Variants in IL1RAPL1 observed in about 807,000 individuals in gnomAD.
The protein encoded by IL1RAPL1 is interleukin 1 receptor accessory protein like 1.
In IL1RAPL1, 3 loss-of-function variants were observed where a neutral mutation model predicts 48.4. That is an observed-to-expected ratio of 0.06 (90% CI 0.03 to 0.16). The LOEUF (loss-of-function observed/expected upper bound fraction) is 0.16. Ranked by LOEUF, IL1RAPL1 falls within the 10% of genes least tolerant of loss-of-function variation. IL1RAPL1 has a pLI of 1.00. For synonymous variants in IL1RAPL1, 185 were observed against 187.7 expected (o/e 0.99, Z 0.12); for missense variants, 349 against 530.6 (o/e 0.66, Z 3.36).
intron 2 of IL1RAPL1, among the ~76,000 whole-genome samples, chrX:29,040,231 T>A (rs1275322707): frequency 8.9e-6 from 1 of 112,182 alleles, no homozygotes; most frequent in Non-Finnish European, 1.9e-5. Flanking sequence ...AAAACACACC[T>A]TCTGATGTGA....
chrX:29,955,837 A>G lies in IL1RAPL1; in HGVS notation c.*17A>G, dbSNP rs1162709559. 2.9e-5 allele frequency: 33 copies of G among 1,154,787 alleles called. No homozygotes were observed. The highest frequency in any genetic ancestry group is 3.8e-5 in the Non-Finnish European group (32 of 844,455). On this transcript the variant is annotated 3_prime_UTR_variant, in exon 11 of 11. Coordinates refer to ENST00000378993, the MANE Select transcript of IL1RAPL1 (RefSeq NM_014271.4). ...ATATGGTGACAGAAAAGCAAGGGAC[A>G]TCCCGTCCCTGGGAGGTTGAGTGGA...
chrX:29,688,249 C>T (rs1926679362), intron 6 of IL1RAPL1, among the ~76,000 whole-genome samples: 1 of 111,774 alleles, frequency 8.9e-6, no homozygotes, highest in South Asian at 3.8e-4. Flanking sequence ...GCTGAAACCC[C>T]TCAGGAGGTT....
chrX:29,754,627 T>C (rs137982584), intron 6 of IL1RAPL1, among the ~76,000 whole-genome samples: 2,996 of 112,299 alleles, frequency 0.027, 89 homozygotes, highest in African/African-American at 0.092. Context: ...TGGTCATATG[T>C]TGAGCCTCCT....
chrX:29,640,456 G>A (rs914890853), intron 5 of IL1RAPL1, among the ~76,000 whole-genome samples: 28 of 112,070 alleles, frequency 2.5e-4, no homozygotes, highest in African/African-American at 9.1e-4. Context: ...AGATCCGGCT[G>A]CCTATTAAAT....
rs898755910 is a variant in IL1RAPL1, at chrX:29,525,490, G to A, written c.703+126182G>A. On this transcript the variant is annotated intron_variant, in intron 5 of 10. Coordinates refer to ENST00000378993, the MANE Select transcript of IL1RAPL1 (RefSeq NM_014271.4). Reference sequence around the variant, plus strand: ...GCAGATTCTGTCTGGAAAGTCATGGGAACTAGAGGCAGGGTGCCATGCTAT... The same window carrying A: ...GCAGATTCTGTCTGGAAAGTCATGGAAACTAGAGGCAGGGTGCCATGCTAT... Among the ~76,000 whole-genome samples the A allele has an allele frequency of 3.6e-5, 4 of 111,922 alleles. No individual in the cohort carries two copies. In the Admixed American group the frequency reaches 3.8e-4, roughly 11 times the overall value.
At chrX:28,981,327 C>T (rs975347280) in intron 2 of IL1RAPL1, among the ~76,000 whole-genome samples, 1 of 108,459 alleles carries the variant, frequency 9.2e-6, no homozygotes, top group Non-Finnish European at 1.9e-5. Context: ...ACTTAATACA[C>T]CTGAAAACGA....
intron 5 of IL1RAPL1, among the ~76,000 whole-genome samples, chrX:29,639,172 C>G (rs1362515770): frequency 1.0e-5 from 1 of 95,773 alleles, no homozygotes; most frequent in Non-Finnish European, 2.0e-5. Flanking sequence ...GGCGACAAAG[C>G]GAGACTCCGT....
intron 3 of IL1RAPL1, among the ~76,000 whole-genome samples, chrX:29,386,035 A>G (rs932195977): frequency 7.2e-5 from 8 of 111,580 alleles, no homozygotes; most frequent in Non-Finnish European, 1.3e-4. Context: ...ATTTTTTTTA[A>G]TTATTGTCTT....
intron 2 of IL1RAPL1, among the ~76,000 whole-genome samples, chrX:29,030,509 T>C (rs762225744): frequency 2.5e-4 from 28 of 111,959 alleles, no homozygotes; most frequent in Middle Eastern, 4.6e-3. Context: ...TGCCTGTATA[T>C]GTTTTACCTT....
intron 2 of IL1RAPL1, among the ~76,000 whole-genome samples, chrX:29,269,838 A>G (rs1212677931): frequency 9.0e-6 from 1 of 110,688 alleles, no homozygotes; most frequent in Non-Finnish European, 1.9e-5. Flanking sequence ...ATATATATAA[A>G]CTCATGAAAC....
At chrX:29,402,063 T>C (rs1027030044) in intron 5 of IL1RAPL1, among the ~76,000 whole-genome samples, 7 of 110,986 alleles carry the variant, frequency 6.3e-5, no homozygotes, top group African/African-American at 2.3e-4. Flanking sequence ...CCAGCTAATT[T>C]TTGTATTTTT....
intron 2 of IL1RAPL1, among the ~76,000 whole-genome samples, chrX:28,919,089 A>G (rs773413114): frequency 8.9e-6 from 1 of 111,899 alleles, no homozygotes; most frequent in Admixed American, 9.6e-5. Flanking sequence ...GATGAAAGAT[A>G]CTACAGGAAC....
At chrX:28,843,538 A>G (rs1921430632) in intron 2 of IL1RAPL1, among the ~76,000 whole-genome samples, 1 of 111,821 alleles carries the variant, frequency 8.9e-6, no homozygotes, top group Non-Finnish European at 1.9e-5. Context: ...CTCAATTATT[A>G]TTTCAATTGT....
intron 2 of IL1RAPL1, among the ~76,000 whole-genome samples, chrX:29,057,101 T>A (rs1927232475): frequency 8.9e-6 from 1 of 112,039 alleles, no homozygotes; most frequent in East Asian, 2.8e-4. Context: ...AGGAATCTCA[T>A]TTTATTTCTT....
intron 5 of IL1RAPL1, among the ~76,000 whole-genome samples, chrX:29,420,520 C>T (rs1401734399): frequency 8.9e-6 from 1 of 111,935 alleles, no homozygotes; most frequent in African/African-American, 3.2e-5. Context: ...CTGGACAGTC[C>T]CATTTTCCTT....
intron 2 of IL1RAPL1, among the ~76,000 whole-genome samples, chrX:28,844,095 T>A (rs1322799396): frequency 9.2e-6 from 1 of 108,733 alleles, no homozygotes; most frequent in East Asian, 3.0e-4. Context: ...CCATTTGTGA[T>A]ATCTTTTCAT....
intron 1 of IL1RAPL1, among the ~76,000 whole-genome samples, chrX:28,733,662 C>G (rs920557348): frequency 9.0e-6 from 1 of 111,564 alleles, no homozygotes; most frequent in East Asian, 2.8e-4. Flanking sequence ...TGTCGACTCT[C>G]GTAGACTTCT....
intron 6 of IL1RAPL1, among the ~76,000 whole-genome samples, chrX:29,726,652 A>C (rs1218312884): frequency 8.9e-6 from 1 of 111,852 alleles, no homozygotes; most frequent in Non-Finnish European, 1.9e-5. Context: ...TATATTTTTT[A>C]AAGATTTTCT....
At chrX:29,061,361 G>A (rs1016490476) in intron 2 of IL1RAPL1, among the ~76,000 whole-genome samples, 5 of 111,958 alleles carry the variant, frequency 4.5e-5, no homozygotes, top group African/African-American at 6.5e-5. Flanking sequence ...TTAAAGTTAT[G>A]AGTGAATAGA....
Sources: gnomAD v4.1 joint callset for allele counts (sites outside exome capture counted in the v4.1 genomes callset) on GRCh38, gnomAD v4.1.1 for gene constraint, MANE v1.5 for transcripts, NCBI Gene and HGNC (gene_info 2026-07-23, HGNC 2026-07-21) for gene names.